KIDINS220: variants seen among roughly 807,000 people sequenced by gnomAD.
KIDINS220 encodes the protein kinase D interacting substrate 220.
KIDINS220 carries 63 observed loss-of-function variants against 157.6 expected under a neutral mutation model. The observed-to-expected ratio is 0.40, with a 90% CI of 0.33 to 0.49. The LOEUF (loss-of-function observed/expected upper bound fraction) is 0.49. KIDINS220 is among the 20% of genes least tolerant of loss of function. KIDINS220 has a pLI of 0.66. For missense variants in KIDINS220, 1,772 were observed against 2,171.2 expected (o/e 0.82, Z 3.65); for synonymous variants, 732 against 783.6 (o/e 0.93, Z 1.10).
chr2:8,827,295 G>C (rs552436491), intron 1 of KIDINS220, among the ~76,000 whole-genome samples, 166 bp from the exon 2 acceptor site: 2 of 152,056 alleles, frequency 1.3e-5, no homozygotes, highest in Non-Finnish European at 2.9e-5. Flanking sequence ...AAAAGCTGCC[G>C]TGATGTCTCT....
chr2:8,764,694 C>T (rs948021456), intron 22 of KIDINS220, among the ~76,000 whole-genome samples: 1 of 152,222 alleles, frequency 6.6e-6, no homozygotes, highest in Non-Finnish European at 1.5e-5. Flanking sequence ...AATGAAGTAT[C>T]TGGATGGACG....
At position 8,812,404 on chromosome 2, in the gene KIDINS220, GC is replaced by G; in HGVS notation, c.494del (p.Cys165SerfsTer10). 1 of 1,590,756 alleles carries G rather than the reference GC, an allele frequency of 6.3e-7. No homozygotes were observed. ...GATGCTGCTGACCTACCTTATCAGA[GC>G]AGTTGACTTTAGCACCATTTTGCAG... ...LLLQNGAKVN[C>X]SDKYGTTPLV... On this transcript the variant is annotated frameshift_variant, in exon 6 of 30. Coordinates refer to ENST00000256707, the MANE Select transcript of KIDINS220 (RefSeq NM_020738.4). LOFTEE classifies it high-confidence loss of function.
intron 26 of KIDINS220, among the ~76,000 whole-genome samples, chr2:8,745,236 T>C (rs141049522): frequency 1.1e-4 from 16 of 152,336 alleles, no homozygotes; most frequent in Non-Finnish European, 4.4e-5. Flanking sequence ...GCTCAGAGAA[T>C]TGAATTGCAT....
chr2:8,744,799 T>C (rs954580273), intron 26 of KIDINS220, among the ~76,000 whole-genome samples: 1 of 152,152 alleles, frequency 6.6e-6, no homozygotes, highest in Non-Finnish European at 1.5e-5. Context: ...ACTTAGTTTT[T>C]CTAGGCTTCG....
In KIDINS220 at chr2:8,791,326, T is replaced by C. The variant is rs991771312; in HGVS notation, c.1277-102A>G. 28 of 1,079,406 alleles carry C rather than the reference T, an allele frequency of 2.6e-5. 1 individual carries two copies. In the South Asian group the frequency reaches 3.0e-4, roughly 11 times the overall value. 66.9% of individuals were successfully genotyped at this position (1,079,406 alleles called of 1,614,324 possible). On this transcript the variant is annotated intron_variant, in intron 12 of 29. Coordinates refer to ENST00000256707, the MANE Select transcript of KIDINS220 (RefSeq NM_020738.4). ...CTTGATTAGAGAGAAAAAAATTATTTCAAATGTTTATACCCATGTAGGGAC... is the reference window on the plus strand; with the variant it reads ...CTTGATTAGAGAGAAAAAAATTATTCCAAATGTTTATACCCATGTAGGGAC...
At chr2:8,826,795 T>A in intron 2 of KIDINS220, 191 bp downstream of exon 2, 1 of 349,588 alleles carries the variant, frequency 2.9e-6, no homozygotes, top group East Asian at 4.3e-5. Context: ...CAACAGTCAT[T>A]TATATAAGTT....
At chr2:8,776,454 A>G (rs1670968266) in intron 21 of KIDINS220, among the ~76,000 whole-genome samples, 1 of 152,216 alleles carries the variant, frequency 6.6e-6, no homozygotes, top group African/African-American at 2.4e-5. Context: ...GCTTATACTC[A>G]GTAATACAAA....
chr2:8,823,600 C>G (rs948860730), intron 2 of KIDINS220, among the ~76,000 whole-genome samples: 2 of 152,226 alleles, frequency 1.3e-5, no homozygotes, highest in East Asian at 3.9e-4. Context: ...CTAAATTAAG[C>G]TCTATGCCAG....
intron 6 of KIDINS220, among the ~76,000 whole-genome samples, chr2:8,807,378 A>G (rs1187203332): frequency 6.6e-6 from 1 of 152,146 alleles, no homozygotes; most frequent in African/African-American, 2.4e-5. Flanking sequence ...ATTTAATTTA[A>G]TCTACTCTCT....
chr2:8,736,124 T>C (rs906950504), intron 27 of KIDINS220, among the ~76,000 whole-genome samples: 1 of 152,256 alleles, frequency 6.6e-6, no homozygotes, highest in African/African-American at 2.4e-5. Context: ...CTCATAATTC[T>C]TTAAAAAACT....
chr2:8,813,824 T>C (rs930315481), intron 4 of KIDINS220, among the ~76,000 whole-genome samples: 4 of 151,920 alleles, frequency 2.6e-5, no homozygotes, highest in Non-Finnish European at 5.9e-5. Flanking sequence ...TTCGGGAGGC[T>C]GAGGCAGGAG....
intron 17 of KIDINS220, among the ~76,000 whole-genome samples, chr2:8,784,189 C>CA (rs796082514): frequency 0.053 from 5,494 of 103,360 alleles, 298 homozygotes; most frequent in African/African-American, 0.16. Flanking sequence ...CAACTGGAAA[C>CA]AAAAAAAAAA....
intron 20 of KIDINS220, among the ~76,000 whole-genome samples, chr2:8,777,263 C>A (rs1438387434): frequency 6.6e-6 from 1 of 152,068 alleles, no homozygotes; most frequent in Admixed American, 6.6e-5. Context: ...AGCAAATAAG[C>A]CCTTGTCTGG....
At chr2:8,829,651 T>C (rs754904739) in intron 1 of KIDINS220, among the ~76,000 whole-genome samples, 14 of 152,184 alleles carry the variant, frequency 9.2e-5, no homozygotes, top group Non-Finnish European at 1.9e-4. Flanking sequence ...TTAAGAGCTA[T>C]ATATACAGCA....
In KIDINS220 at chr2:8,731,821, G is replaced by A; in HGVS notation, c.4215C>T (p.Thr1405=). 2 of 1,614,108 alleles carry A rather than the reference G, an allele frequency of 1.2e-6. No homozygotes were observed. The highest frequency in any genetic ancestry group is 1.7e-6 in the Non-Finnish European group (2 of 1,180,016). Residue 1405 remains threonine, a synonymous_variant, in exon 30 of 30, where the codon ACC becomes ACT. Transcript: ENST00000256707. This position sits in a 1 kb window ranked among gnomAD's most constrained non-coding sequence, Gnocchi z 5.2. Reference sequence around the variant, plus strand: ...TATGTGGAGAAGATCTGCCACTAATGGTTGTAGACCCGGGGCCCCCTTCTA... The same window carrying A: ...TATGTGGAGAAGATCTGCCACTAATAGTTGTAGACCCGGGGCCCCCTTCTA... ...SQLEGGPGST[T]ISGRSSPHST...
intron 22 of KIDINS220, chr2:8,757,189 T>C (rs1668118368): frequency 1.1e-6 from 1 of 874,062 alleles, no homozygotes; most frequent in Non-Finnish European, 1.4e-6. Flanking sequence ...GTTCAAAAAA[T>C]AGGGTTTGTT....
At chr2:8,727,337 A>C, downstream of KIDINS220, 3 of 885,664 alleles carry the variant, frequency 3.4e-6, no homozygotes, top group Non-Finnish European at 4.1e-6. Flanking sequence ...AAGTTAACTT[A>C]TGGCACCTTC....
intron 26 of KIDINS220, among the ~76,000 whole-genome samples, chr2:8,738,595 C>T (rs187496503): frequency 2.1e-4 from 32 of 152,220 alleles, no homozygotes; most frequent in Admixed American, 2.0e-4. Context: ...CTTGTAATCA[C>T]GAGGAAACAT....
At chr2:8,789,859 A>T in intron 14 of KIDINS220, 21 bp downstream of exon 14, 1 of 1,532,538 alleles carries the variant, frequency 6.5e-7, no homozygotes, top group African/African-American at 1.4e-5. Flanking sequence ...TTTTTGAAAA[A>T]GATAAAAAGC....
Sources: allele counts gnomAD v4.1 joint callset (sites outside exome capture counted in the v4.1 genomes callset), GRCh38; gene constraint gnomAD v4.1.1; non-coding constraint Gnocchi (gnomAD v3.1); transcripts MANE v1.5; gene names NCBI Gene and HGNC (gene_info 2026-07-23, HGNC 2026-07-21).